Variants in RB1CC1 observed in about 807,000 individuals in gnomAD.
RB1CC1 encodes the protein RB1-inducible coiled-coil protein 1.
A neutral mutation model predicts 177.5 loss-of-function variants in RB1CC1; 46 were observed. The ratio of observed to expected loss-of-function variants is 0.26; its 90% CI spans 0.20 to 0.33. RB1CC1 has a LOEUF of 0.33. RB1CC1 is among the 10% of genes least tolerant of loss of function. The pLI, the probability that RB1CC1 is intolerant of heterozygous loss-of-function variation, is 1.00. For missense variants in RB1CC1, 1,703 were observed against 1,816.3 expected, an observed-to-expected ratio of 0.94 and a Z score of 1.13; for synonymous variants, 666 against 613.6, an observed-to-expected ratio of 1.09 and a Z score of -1.26.
At position 52,706,496 on chromosome 8, in the gene RB1CC1, G is replaced by A. The variant is rs2150712757; in HGVS notation, c.-167+7579C>T. Among the ~76,000 whole-genome samples the A allele has an allele frequency of 3.3e-5, 5 of 151,744 alleles. 1 individual carries two copies. The South Asian group carries it at 1.0e-3, about 32-fold the overall frequency. Reference sequence around the variant, plus strand: ...GGTTCAAGAGATTCTCCTTTGGGAGGCCGAGGCAGGCGGATCATGAGGTCA... The same window carrying A: ...GGTTCAAGAGATTCTCCTTTGGGAGACCGAGGCAGGCGGATCATGAGGTCA... On this transcript the variant is annotated intron_variant, in intron 1 of 23. Coordinates refer to ENST00000025008, the MANE Select transcript of RB1CC1 (RefSeq NM_014781.5).
intron 18 of RB1CC1, among the ~76,000 whole-genome samples, chr8:52,642,050 T>C (rs1590943760): frequency 6.6e-6 from 1 of 152,142 alleles, no homozygotes; most frequent in Admixed American, 6.6e-5. Context: ...TTATAGGTAA[T>C]GGACCCCAAA....
At position 52,673,588 on chromosome 8, in the gene RB1CC1, G is replaced by A. The variant is rs974121444; in HGVS notation, c.1002+257C>T. On this transcript the variant is annotated intron_variant, in intron 7 of 23. Transcript: ENST00000025008. ...CTTGCATGAACCACTCAAGACCTGT[G>A]TAGTTTACTGTATGTAAATTATTCT... 2.6e-5 allele frequency among the ~76,000 whole-genome samples: 4 copies of A among 152,064 alleles called. No individual in the cohort carries two copies. The East Asian group carries it at 7.7e-4, about 29-fold the overall frequency.
At chr8:52,661,813 C>A in intron 8 of RB1CC1, 94 bp from the exon 9 acceptor site, 1 of 932,274 alleles carries the variant, frequency 1.1e-6, no homozygotes, top group Non-Finnish European at 1.5e-6. Context: ...TTAAACACAA[C>A]CCGTTTTGTG....
chr8:52,671,693 A>G (rs1270283076), intron 7 of RB1CC1, among the ~76,000 whole-genome samples: 2 of 152,234 alleles, frequency 1.3e-5, no homozygotes, highest in Non-Finnish European at 2.9e-5. Context: ...AGAATAATAT[A>G]TATTTTTTAA....
chr8:52,656,454 T>G lies in RB1CC1; in HGVS notation c.3375A>C (p.Leu1125=). Residue 1125 remains leucine (L), a synonymous_variant, in exon 15 of 24, where the codon CTA becomes CTC. Coordinates refer to ENST00000025008, the MANE Select transcript of RB1CC1 (RefSeq NM_014781.5). The part of the protein sequence containing the change: ...NENYQVGLAE[L]RTLMTIEKDQ... ...CTTTTTCAATTGTCATTAAAGTTCT[T>G]AGCTCTGCTAAGCCCACCTGATAAT... 1.2e-6 allele frequency: 2 copies of G among 1,611,600 alleles called. No homozygotes were observed. The highest frequency in any genetic ancestry group is 1.7e-6 in the Non-Finnish European group (2 of 1,179,740).
chr8:52,666,829 C>A (rs1399586545), intron 8 of RB1CC1, among the ~76,000 whole-genome samples: 1 of 151,474 alleles, frequency 6.6e-6, no homozygotes, highest in East Asian at 1.9e-4. Flanking sequence ...GAATGAAGCA[C>A]AGATAGATAA....
intron 20 of RB1CC1, among the ~76,000 whole-genome samples, chr8:52,633,447 T>A (rs191106758): frequency 6.6e-6 from 1 of 152,190 alleles, no homozygotes; most frequent in Non-Finnish European, 1.5e-5. Flanking sequence ...TTGAGTCATG[T>A]CTGAGATAGA....
At chr8:52,644,087 T>A (rs1008793957) in intron 16 of RB1CC1, among the ~76,000 whole-genome samples, 1 of 152,122 alleles carries the variant, frequency 6.6e-6, no homozygotes, top group Non-Finnish European at 1.5e-5. Context: ...ACCATTATGT[T>A]TATTTTCATG....
At chr8:52,637,926 C>T (rs1008461486) in intron 18 of RB1CC1, among the ~76,000 whole-genome samples, 2 of 152,124 alleles carry the variant, frequency 1.3e-5, no homozygotes, top group Non-Finnish European at 2.9e-5. Flanking sequence ...CTACTTTGGC[C>T]TCCCAAAGTG....
intron 3 of RB1CC1, among the ~76,000 whole-genome samples, chr8:52,684,279 A>G (rs1854038878): frequency 6.6e-6 from 1 of 152,192 alleles, no homozygotes; most frequent in South Asian, 2.1e-4. Context: ...TTTTTGTTAA[A>G]ATCTCCACAC....
Position 52,661,118 on chromosome 8 carries a change from T to C in RB1CC1, c.1522A>G (p.Met508Val), listed in dbSNP as rs1406376471. The C allele has an allele frequency of 6.2e-7, 1 of 1,613,364 alleles. No individual in the cohort carries two copies. Among genetic ancestry groups the C allele is most frequent in the East Asian group, 2.2e-5 (1 of 44,834 alleles). ...ACCTCCCTGTAGTGTTTTATGAACA[T>C]TTTTCTTCTTACAACCTCAACAACA... ...LAVVEVVRRK[M>V]FIKHYREWAG... The change falls in exon 10 of 24, where the codon ATG (methionine) becomes GTG (valine). Residue 508 changes from methionine (M) to valine (V), a missense_variant. By Grantham distance (21) the Met-to-Val change is conservative (BLOSUM62 1). Around this residue, in one of 6 missense-constraint regions of RB1CC1, gnomAD observed 1,169 missense variants for 1,184.7 expected, o/e 0.99. Transcript: ENST00000025008.
chr8:52,673,583 C>A (rs559698240), intron 7 of RB1CC1, among the ~76,000 whole-genome samples: 5 of 152,100 alleles, frequency 3.3e-5, no homozygotes, highest in Non-Finnish European at 4.4e-5. Flanking sequence ...CCACTCAAGA[C>A]CTGTGTAGTT....
At chr8:52,658,165 A>T (rs752107217) in intron 13 of RB1CC1, 41 bp from the exon 14 acceptor site, 2 of 1,581,558 alleles carry the variant, frequency 1.3e-6, no homozygotes, top group Non-Finnish European at 1.7e-6. Flanking sequence ...TGATTTTTTA[A>T]TGAACTAGTA....
chr8:52,651,903 GATT>G lies in RB1CC1; in HGVS notation c.3821+4102_3821+4104del, dbSNP rs556382256. 4.0e-4 allele frequency among the ~76,000 whole-genome samples: 61 copies of G among 152,262 alleles called. No homozygotes were observed. The South Asian group carries it at 8.7e-3, about 22-fold the overall frequency. On this transcript the variant is annotated intron_variant, in intron 15 of 23. Transcript: ENST00000025008. ...CAAGAGATGTACCAATAAATGTTAA[GATT>G]ATGAGAAAATCCACTAATAGCTGCA...
chr8:52,708,298 C>T (rs943702846), intron 1 of RB1CC1, among the ~76,000 whole-genome samples: 7 of 152,136 alleles, frequency 4.6e-5, no homozygotes, highest in Non-Finnish European at 8.8e-5. Flanking sequence ...GGGTGGATCA[C>T]AAGGTAAGGA....
At chr8:52,711,581 T>C (rs1434516797) in intron 1 of RB1CC1, among the ~76,000 whole-genome samples, 1 of 152,236 alleles carries the variant, frequency 6.6e-6, no homozygotes, top group East Asian at 1.9e-4. Context: ...CACTGTTGCA[T>C]TGCTGAAGCT....
intron 15 of RB1CC1, among the ~76,000 whole-genome samples, chr8:52,649,699 C>T (rs1207866424): frequency 8.5e-5 from 13 of 152,160 alleles, no homozygotes; most frequent in Non-Finnish European, 4.4e-5. Flanking sequence ...TGCTCCCACC[C>T]ATACTCACTC....
rs779884079 is a variant in RB1CC1, at chr8:52,645,824, C to G, written c.3865G>C (p.Ala1289Pro). 6.2e-7 allele frequency: 1 copy of G among 1,610,010 alleles called. No homozygotes were observed. Among genetic ancestry groups the G allele is most frequent in the Admixed American group, 1.7e-5 (1 of 59,212 alleles). The change falls in exon 16 of 24, where the codon GCT becomes CCT. Residue 1289 changes from alanine to proline, a missense_variant. By Grantham distance (27) the Ala-to-Pro change is conservative. Transcript: ENST00000025008. ...STRGDSSSLV[A>P]ELQEKLQEEK... is the part of the protein sequence containing the mutation. ...TCCTGAAGCTTTTCTTGAAGTTCAG[C>G]AACTAAGCTTGAAGAATCTCCTCTG...
rs1317185311 is a variant in RB1CC1 at position 52,696,886 on chromosome 8, C to T, written c.-166-9919G>A. On this transcript the variant is annotated intron_variant, in intron 1 of 23. Coordinates refer to ENST00000025008, the MANE Select transcript of RB1CC1 (RefSeq NM_014781.5). ...GGCATGATGGTGCACACCTGTACTC[C>T]CAGCTACTTGCGGGGCTGAGGTGGG... Among the ~76,000 whole-genome samples, 6 of 152,196 alleles carry T rather than the reference C, an allele frequency of 3.9e-5. No individual in the cohort carries two copies. The East Asian group carries it at 9.7e-4, about 25-fold the overall frequency.
Sources: allele counts gnomAD v4.1 joint callset (sites outside exome capture counted in the v4.1 genomes callset), GRCh38; gene constraint gnomAD v4.1.1; regional missense constraint gnomAD v4.1.1; transcripts MANE v1.5; gene names NCBI Gene and HGNC (gene_info 2026-07-23, HGNC 2026-07-21).